SLC34A3: variants seen among roughly 807,000 people sequenced by gnomAD.
SLC34A3 encodes the protein solute carrier family 34 member 3.
A neutral mutation model predicts 43.9 loss-of-function variants in SLC34A3; 60 were observed. The observed-to-expected ratio is 1.37, with a 90% CI of 1.11 to 1.70. SLC34A3 has a LOEUF of 1.70. SLC34A3 is among the 40% of genes most tolerant of loss of function. The pLI is 0.00. For synonymous variants in SLC34A3, 451 were observed against 386.2 expected, an observed-to-expected ratio of 1.17 and a Z score of -1.97; for missense variants, 969 against 823.8, an observed-to-expected ratio of 1.18 and a Z score of -2.16.
chr9:137,234,538 C>T lies in SLC34A3; in HGVS notation c.1210+6C>T, dbSNP rs1173291984. Reference sequence around the variant, plus strand: ...GGCCGTCGTGCCCCTCATGGGTGAGCAGGCAGGACAGAGGCCTCGGGAACG... The same window carrying T: ...GGCCGTCGTGCCCCTCATGGGTGAGTAGGCAGGACAGAGGCCTCGGGAACG... On this transcript the variant is annotated splice_donor_region_variant and intron_variant, in intron 11 of 12. Transcript: ENST00000673835. The surrounding 1 kb of genome is among the most constrained non-coding windows in gnomAD (Gnocchi z 6.9). 6.2e-7 allele frequency: 1 copy of T among 1,607,688 alleles called. No homozygotes were observed.
chr9:137,236,348 C>A lies in SLC34A3; in HGVS notation c.1732C>A (p.Pro578Thr). Reference protein sequence around the residue: ...RCCPCNVCSPPKATTKEAYCY... With the variant: ...RCCPCNVCSPTKATTKEAYCY... ...CTGCCCCTGCAACGTCTGCAGCCCC[C>A]CGAAGGCCACCACCAAAGAGGCCTA... The change falls in exon 13 of 13, where the codon CCG (proline) becomes ACG (threonine). Residue 578 changes from proline (P) to threonine (T), a missense_variant. By Grantham distance (38) the Pro-to-Thr change is conservative. Transcript: ENST00000673835. 1.9e-6 allele frequency: 3 copies of A among 1,541,134 alleles called. No individual in the cohort carries two copies. Among genetic ancestry groups the A allele is most frequent in the Non-Finnish European group, 2.6e-6 (3 of 1,146,782 alleles).
rs1215185447 is a variant in SLC34A3, at chr9:137,234,410, C to T, written c.1094-6C>T. The T allele has an allele frequency of 6.3e-7, 1 of 1,597,516 alleles. No homozygotes were observed. The highest frequency in any genetic ancestry group is 8.5e-7 in the Non-Finnish European group (1 of 1,178,596). On this transcript the variant is annotated splice_polypyrimidine_tract_variant and splice_region_variant and intron_variant, in intron 10 of 12. Transcript: ENST00000673835. The surrounding 1 kb of genome is among the most constrained non-coding windows in gnomAD (Gnocchi z 6.9). ...CTGGCCAGGGCTGACCCGGCATCCC[C>T]CACAGACTTCCCCTTCCCGCTGGGC...
At position 137,232,718 on chromosome 9, in the gene SLC34A3, G is replaced by A. The variant is rs755447222; in HGVS notation, c.304+15G>A. 29 of 1,612,786 alleles carry A rather than the reference G, an allele frequency of 1.8e-5. No individual in the cohort carries two copies. Among genetic ancestry groups the A allele is most frequent in the Middle Eastern group, 1.6e-4 (1 of 6,084 alleles). On this transcript the variant is annotated intron_variant, in intron 4 of 12. Transcript: ENST00000673835. The stretch of plus-strand genomic sequence containing the variant: ...GCTGCTGGGCAGTGAGTGACGGGAC[G>A]GGTGCCCAGGGCGGGGCGGGCAACC...
At chr9:137,233,778 A>AACCCCCCCCCCCCCCCCC in intron 8 of SLC34A3, 56 bp downstream of exon 8, 2 of 1,485,058 alleles carry the variant, frequency 1.3e-6, no homozygotes, top group Non-Finnish European at 9.3e-7. Context: ...CTGCTGAGTC[A>AACCCCCCCCCCCCCCCCC]TCCCGCCCCA....
Position 137,234,704 on chromosome 9 carries a change from C to G in SLC34A3, c.1308C>G (p.Pro436=), listed in dbSNP as rs1208270085. 6.2e-7 allele frequency: 1 copy of G among 1,611,564 alleles called. No individual in the cohort carries two copies. The stretch of plus-strand genomic sequence containing the variant: ...CCCTGCTGGCTGCCCTGGCCAGCCC[C>G]GCAGACAGGATGCTCAGCGCCCTGC... The part of the protein sequence containing the change: ...TTALLAALAS[P]ADRMLSALQV... Residue 436 remains proline (P), a synonymous_variant, in exon 12 of 13, where the codon CCC becomes CCG. Transcript: ENST00000673835. The surrounding 1 kb of genome is among the most constrained non-coding windows in gnomAD (Gnocchi z 6.9).
In SLC34A3 at chr9:137,232,596, T is replaced by C. The variant is rs200584216; in HGVS notation, c.197T>C (p.Leu66Pro). 1 of 1,609,220 alleles carries C rather than the reference T, an allele frequency of 6.2e-7. No homozygotes were observed. The highest frequency in any genetic ancestry group is 1.1e-5 in the South Asian group (1 of 90,804). ...PWKELRVAGR[L>P]RRVAGSVLKA... ...TCAGAGCTCCGCGTGGCCGGCAGGC[T>C]GCGCCGCGTGGCCGGCAGCGTCCTC... Residue 66 changes from leucine (L) to proline (P), a missense_variant, in exon 4 of 13, where the codon CTG (leucine) becomes CCG (proline). Physicochemically the swap from Leu to Pro is moderately conservative, Grantham distance 98. Coordinates refer to ENST00000673835, the MANE Select transcript of SLC34A3 (RefSeq NM_001177316.2).
At chr9:137,229,954 G>A (rs551847075), upstream of SLC34A3, among the ~76,000 whole-genome samples, 5 of 152,222 alleles carry the variant, frequency 3.3e-5, 1 homozygote, top group South Asian at 1.0e-3. Context: ...AAGGACTGCT[G>A]CCCCCCACCC....
At position 137,233,075 on chromosome 9, in the gene SLC34A3, G is replaced by A. The variant is rs1312122212; in HGVS notation, c.520G>A (p.Val174Ile). 3.1e-6 allele frequency: 5 copies of A among 1,610,638 alleles called. No individual in the cohort carries two copies. The African/African-American group carries it at 4.0e-5, about 13-fold the overall frequency. Residue 174 changes from valine to isoleucine, a missense_variant, in exon 6 of 13, where the codon GTC (valine) becomes ATC (isoleucine). Transcript: ENST00000673835. ...AGGCACATCCATCACCAGCACCCTG[G>A]TCTCAATGGCGCAGTCAGGGGACCG... is the stretch of plus-strand genomic sequence containing the variant. Reference protein sequence around the residue: ...NVGTSITSTLVSMAQSGDRDE... With the variant: ...NVGTSITSTLISMAQSGDRDE...
At chr9:137,233,779 T>TACCCCCCCCC in intron 8 of SLC34A3, 57 bp downstream of exon 8, 37 of 1,445,812 alleles carry the variant, frequency 2.6e-5, no homozygotes, top group South Asian at 1.2e-4. Context: ...TGCTGAGTCA[T>TACCCCCCCCC]CCCGCCCCAC....
Position 137,235,984 on chromosome 9 carries a change from C to T in SLC34A3, c.1368C>T (p.Ala456=), listed in dbSNP as rs141078166. The part of the protein sequence containing the change: ...VALIHFFFNL[A]GILLWYLVPA... ...TCATCCACTTCTTCTTCAACCTGGC[C>T]GGCATCCTGCTGTGGTACCTGGTGC... is the stretch of plus-strand genomic sequence containing the variant. Residue 456 remains alanine, a synonymous_variant, in exon 13 of 13, where the codon GCC becomes GCT. Transcript: ENST00000673835. 3.5e-5 allele frequency: 56 copies of T among 1,612,408 alleles called. No homozygotes were observed. The highest frequency in any genetic ancestry group is 3.4e-4 in the Middle Eastern group (2 of 5,968).
At chr9:137,232,471 C>G (rs1266337270) in intron 3 of SLC34A3, 104 bp from the exon 4 acceptor site, 2 of 1,497,278 alleles carry the variant, frequency 1.3e-6, no homozygotes, top group Non-Finnish European at 1.8e-6. Context: ...TGGGACCCAG[C>G]CCTGTTGGAG....
In SLC34A3 at chr9:137,233,905, G is replaced by A. The variant is rs767286918; in HGVS notation, c.889G>A (p.Glu297Lys). 47 of 1,606,538 alleles carry A rather than the reference G, an allele frequency of 2.9e-5. No individual in the cohort carries two copies. Among genetic ancestry groups the A allele is most frequent in the African/African-American group, 4.0e-5 (3 of 74,664 alleles). Reference protein sequence around the residue: ...SSCGAFGPCTEKNSTAPADRL... With the variant: ...SSCGAFGPCTKKNSTAPADRL... ...CTGTGGCGCCTTCGGCCCGTGCACA[G>A]AGAAGAACAGCACAGCCCCGGCGGA... Residue 297 changes from glutamate (E) to lysine (K), a missense_variant, in exon 9 of 13, where the codon GAG becomes AAG. By Grantham distance (56) the Glu-to-Lys change is moderately conservative. Transcript: ENST00000673835.
In SLC34A3 at chr9:137,233,085, C is replaced by T. The variant is rs771442873; in HGVS notation, c.530C>T (p.Ala177Val). The change falls in exon 6 of 13, where the codon GCG becomes GTG. Residue 177 changes from alanine (A) to valine (V), a missense_variant. Ala to Val is a moderately conservative substitution (Grantham distance 64, BLOSUM62 0). Coordinates refer to ENST00000673835, the MANE Select transcript of SLC34A3 (RefSeq NM_001177316.2). ...ATCACCAGCACCCTGGTCTCAATGG[C>T]GCAGTCAGGGGACCGGGATGAATTT... Reference protein sequence around the residue: ...TSITSTLVSMAQSGDRDEFQR... With the variant: ...TSITSTLVSMVQSGDRDEFQR... 50 of 1,610,396 alleles carry T rather than the reference C, an allele frequency of 3.1e-5. No individual in the cohort carries two copies. Among genetic ancestry groups the T allele is most frequent in the South Asian group, 2.4e-4 (22 of 90,886 alleles).
chr9:137,235,770 C>T (rs566696130), intron 12 of SLC34A3, among the ~76,000 whole-genome samples, 182 bp from the exon 13 acceptor site: 2 of 152,194 alleles, frequency 1.3e-5, no homozygotes, highest in African/African-American at 2.4e-5. Context: ...GTGCGGGAGG[C>T]GTGCTGGGGA....
chr9:137,230,271 C>T (rs1345369246), upstream of SLC34A3, among the ~76,000 whole-genome samples: 2 of 152,178 alleles, frequency 1.3e-5, no homozygotes, highest in African/African-American at 4.8e-5. Flanking sequence ...GCTCTGTCCT[C>T]CCCTCTGCAG....
Position 137,232,900 on chromosome 9 carries a change from A to C in SLC34A3, c.421A>C (p.Ile141Leu), listed in dbSNP as rs778685850. 24 of 1,608,550 alleles carry C rather than the reference A, an allele frequency of 1.5e-5. No homozygotes were observed. Among genetic ancestry groups the C allele is most frequent in the Non-Finnish European group, 2.0e-5 (23 of 1,178,048 alleles). ...LVQSSSTSSSIVVSMVAAKLL... is the reference protein window; with the variant it reads ...LVQSSSTSSSLVVSMVAAKLL... Reference sequence around the variant, plus strand: ...GCAGAGTTCCAGCACGTCCTCCTCCATCGTGGTCAGCATGGTGGCTGCTAA... The same window carrying C: ...GCAGAGTTCCAGCACGTCCTCCTCCCTCGTGGTCAGCATGGTGGCTGCTAA... Residue 141 changes from isoleucine to leucine, a missense_variant, in exon 5 of 13, where the codon ATC becomes CTC. Transcript: ENST00000673835.
chr9:137,233,931 C>T lies in SLC34A3; in HGVS notation c.915C>T (p.Asp305=). The T allele has an allele frequency of 6.4e-7, 1 of 1,574,702 alleles. No individual in the cohort carries two copies. The highest frequency in any genetic ancestry group is 8.6e-7 in the Non-Finnish European group (1 of 1,160,874). ...CTEKNSTAPA[D]RLPCRHLFAG... ...AGAAGAACAGCACAGCCCCGGCGGA[C>T]AGGCTGCCCTGTGAGGCCCGGCCCA... is the stretch of plus-strand genomic sequence containing the variant. The change falls in exon 9 of 13, where the codon GAC becomes GAT. Residue 305 remains aspartate, a synonymous_variant. Transcript: ENST00000673835.
In SLC34A3 at chr9:137,233,633, T is replaced by C. The variant is rs28407527; in HGVS notation, c.757T>C (p.Leu253=). 0.43 allele frequency: 693,279 copies of C among 1,610,930 alleles called. 151,484 individuals are homozygous for C. The highest frequency in any genetic ancestry group is 0.6 in the Admixed American group (35,963 of 59,972). The stretch of plus-strand genomic sequence containing the variant: ...CCGTCACGACCCCTCTGGCCCCCAG[T>C]TGGACTCCGACATGATCATGAGCAG... ...TKPLTHLIVQ[L]DSDMIMSSAT... Residue 253 remains leucine, a splice_region_variant and synonymous_variant, in exon 8 of 13, where the codon TTG becomes CTG. Transcript: ENST00000673835.
chr9:137,235,148 C>T (rs1339775110), intron 12 of SLC34A3, among the ~76,000 whole-genome samples: 1 of 151,912 alleles, frequency 6.6e-6, no homozygotes, highest in Non-Finnish European at 1.5e-5. Flanking sequence ...TCTGCAAAGG[C>T]CGAGTCCCAC....
Sources: allele counts gnomAD v4.1 joint callset (sites outside exome capture counted in the v4.1 genomes callset), GRCh38; gene constraint gnomAD v4.1.1; non-coding constraint Gnocchi (gnomAD v3.1); transcripts MANE v1.5; gene names NCBI Gene and HGNC (gene_info 2026-07-23, HGNC 2026-07-21).